CENPP: variants seen among roughly 807,000 people sequenced by gnomAD.
CENPP encodes centromere protein P.
In CENPP, 24 loss-of-function variants were observed where a neutral mutation model predicts 35.6. That is an observed-to-expected ratio of 0.67 (90% CI 0.49 to 0.95). CENPP has a LOEUF of 0.95. CENPP is among the 40% of genes least tolerant of loss of function. The probability of loss-of-function intolerance (pLI) is 0.00; values close to 1 mark genes in which losing one functional copy is unlikely to be tolerated. For synonymous variants in CENPP, 120 were observed against 125.5 expected, an observed-to-expected ratio of 0.96 and a Z score of 0.29; for missense variants, 332 against 345.3, an observed-to-expected ratio of 0.96 and a Z score of 0.31.
chr9:92,543,185 C>T (rs1849352290), intron 5 of CENPP, among the ~76,000 whole-genome samples: 2 of 152,072 alleles, frequency 1.3e-5, no homozygotes. Flanking sequence ...ATCAAGATGG[C>T]ATTGGTGCCA....
intron 5 of CENPP, among the ~76,000 whole-genome samples, chr9:92,584,723 CTAAAGCTCTAGAGTCTT>C (rs1850503066): frequency 1.3e-5 from 2 of 152,176 alleles, no homozygotes; most frequent in African/African-American, 2.4e-5. Flanking sequence ...AGTGTCTTCC[CTAAAGCTCTAGAGTCTT>C]TAAATTAAAA....
intron 5 of CENPP, among the ~76,000 whole-genome samples, chr9:92,381,802 G>T (rs995699178): frequency 2.0e-5 from 3 of 151,990 alleles, no homozygotes; most frequent in Admixed American, 1.3e-4. Flanking sequence ...TTGAAGAACC[G>T]CATACTCTTT....
chr9:92,368,487 A>G (rs10761153), intron 4 of CENPP, among the ~76,000 whole-genome samples: 72,286 of 152,022 alleles, frequency 0.48, 20,735 homozygotes, highest in African/African-American at 0.81. Context: ...ATCAAGAGCT[A>G]CACCAAATTA....
intron 5 of CENPP, chr9:92,500,737 TG>T: frequency 6.2e-7 from 1 of 1,609,148 alleles, no homozygotes; most frequent in Non-Finnish European, 8.5e-7. Context: ...CGTATCTTGT[TG>T]TTGTTCAGCC....
At chr9:92,409,110 A>G (rs1262092779) in intron 5 of CENPP, among the ~76,000 whole-genome samples, 2 of 152,244 alleles carry the variant, frequency 1.3e-5, no homozygotes, top group Non-Finnish European at 2.9e-5. Flanking sequence ...AAATCTCTGT[A>G]TAGTGAATTC....
chr9:92,611,721 T>C (rs1340754694), intron 6 of CENPP, among the ~76,000 whole-genome samples: 2 of 151,956 alleles, frequency 1.3e-5, no homozygotes, highest in African/African-American at 4.8e-5. Context: ...AAGCCAGGGG[T>C]GAGTGGAAAA....
intron 5 of CENPP, among the ~76,000 whole-genome samples, chr9:92,546,933 G>GT (rs1326869440): frequency 3.9e-5 from 6 of 152,110 alleles, no homozygotes; most frequent in Non-Finnish European, 8.8e-5. Flanking sequence ...AGTTCTACCA[G>GT]TTTTTTAAGA....
intron 5 of CENPP, among the ~76,000 whole-genome samples, chr9:92,533,563 C>T (rs1163823783): frequency 6.6e-6 from 1 of 151,498 alleles, no homozygotes; most frequent in Non-Finnish European, 1.5e-5. Flanking sequence ...AATATTGGCC[C>T]TGTTGTTTTT....
At chr9:92,423,960 T>C (rs1843890918) in intron 5 of CENPP, among the ~76,000 whole-genome samples, 3 of 151,748 alleles carry the variant, frequency 2.0e-5, no homozygotes, top group Admixed American at 2.0e-4. Flanking sequence ...TAAAAAAAAA[T>C]CTAAACAAAG....
intron 5 of CENPP, among the ~76,000 whole-genome samples, chr9:92,589,426 CA>C (rs1052713379): frequency 1.3e-5 from 2 of 151,058 alleles, no homozygotes; most frequent in African/African-American, 4.9e-5. Flanking sequence ...TATAATGCAC[CA>C]AAAAATTTGT....
intron 5 of CENPP, among the ~76,000 whole-genome samples, chr9:92,524,854 C>T (rs1291089487): frequency 6.6e-6 from 1 of 152,170 alleles, no homozygotes; most frequent in Non-Finnish European, 1.5e-5. Flanking sequence ...ACCTTGGTCT[C>T]CTTTGCCAAC....
At chr9:92,334,870 C>G (rs1171343673) in intron 2 of CENPP, among the ~76,000 whole-genome samples, 2 of 149,326 alleles carry the variant, frequency 1.3e-5, no homozygotes, top group African/African-American at 5.0e-5. Context: ...ACAGTGAGAC[C>G]CTGTCTCAAA....
intron 5 of CENPP, among the ~76,000 whole-genome samples, chr9:92,457,877 GTATA>G (rs886175085): frequency 2.0e-5 from 3 of 151,946 alleles, no homozygotes; most frequent in Non-Finnish European, 4.4e-5. Flanking sequence ...ATATTTATGT[GTATA>G]TATATGGTTA....
intron 5 of CENPP, among the ~76,000 whole-genome samples, chr9:92,391,788 A>T (rs1168893759): frequency 2.0e-5 from 3 of 152,204 alleles, no homozygotes; most frequent in African/African-American, 7.2e-5. Flanking sequence ...CAAGTAATTC[A>T]AATTTTTTGC....
At chr9:92,503,619 T>A (rs1199138407) in intron 5 of CENPP, among the ~76,000 whole-genome samples, 1 of 152,260 alleles carries the variant, frequency 6.6e-6, no homozygotes, top group Non-Finnish European at 1.5e-5. Context: ...CTAAAGGATC[T>A]GCATTATAAA....
rs189583604 is a variant in CENPP at position 92,555,426 on chromosome 9, A to G, written c.565-55888A>G. Among the ~76,000 whole-genome samples, 10 of 151,402 alleles carry G rather than the reference A, an allele frequency of 6.6e-5. No individual in the cohort carries two copies. In the East Asian group the frequency reaches 1.6e-3, roughly 24 times the overall value. ...GTATTTTCAGTAGAAACGGGATTTC[A>G]CCATGTTAGCCAGGCTGTTCTCGAA... On this transcript the variant is annotated intron_variant, in intron 5 of 7. Transcript: ENST00000375587.
intron 5 of CENPP, among the ~76,000 whole-genome samples, chr9:92,461,482 C>T (rs3780348): frequency 0.031 from 4,733 of 152,026 alleles, 114 homozygotes; most frequent in South Asian, 0.084. Flanking sequence ...CTTTTTTCTC[C>T]CTCTTCTTTT....
At chr9:92,468,659 TATAA>T (rs1845401685) in intron 5 of CENPP, among the ~76,000 whole-genome samples, 1 of 152,236 alleles carries the variant, frequency 6.6e-6, no homozygotes, top group Non-Finnish European at 1.5e-5. Flanking sequence ...ACTATAATTA[TATAA>T]ATGTTTTGTA....
chr9:92,519,564 A>G (rs985578356), intron 5 of CENPP, among the ~76,000 whole-genome samples: 10 of 152,250 alleles, frequency 6.6e-5, no homozygotes, highest in African/African-American at 2.4e-4. Flanking sequence ...TGGAGGAAAG[A>G]ACAATCTTCA....
Sources: allele counts gnomAD v4.1 joint callset (sites outside exome capture counted in the v4.1 genomes callset), GRCh38; gene constraint gnomAD v4.1.1; transcripts MANE v1.5; gene names NCBI Gene and HGNC (gene_info 2026-07-23, HGNC 2026-07-21).